NOX4: variants seen among roughly 807,000 people sequenced by gnomAD.
NOX4 encodes kidney oxidase-1.
NOX4 carries 69 observed loss-of-function variants against 87.6 expected under a neutral mutation model. That is an observed-to-expected ratio of 0.79 (90% CI 0.65 to 0.96). NOX4 has a LOEUF of 0.96. NOX4 is among the 40% of genes least tolerant of loss of function. NOX4 has a pLI of 0.00. For synonymous variants in NOX4, 275 were observed against 238.2 expected (o/e 1.15, Z -1.42); for missense variants, 680 against 681.5 (o/e 1.00, Z 0.02).
the NOX4 span, among the ~76,000 whole-genome samples, chr11:89,535,135 A>G: frequency 2.0e-5 from 3 of 152,130 alleles, no homozygotes; most frequent in African/African-American, 7.2e-5. Context: ...ATTACAAGGA[A>G]AAAAAGGAAG....
At chr11:89,481,062 A>G (rs1327182014) in intron 2 of NOX4, among the ~76,000 whole-genome samples, 7 of 151,996 alleles carry the variant, frequency 4.6e-5, no homozygotes, top group African/African-American at 1.7e-4. Context: ...TGAAGGTAAC[A>G]TGTTCCTACT....
rs908439753 is a variant in NOX4 at position 89,491,350 on chromosome 11, C to T, written c.-104G>A. 2.4e-5 allele frequency: 25 copies of T among 1,062,120 alleles called. 1 individual carries two copies. The highest frequency in any genetic ancestry group is 2.3e-4 in the African/African-American group (14 of 61,862). The allele number at this position is 1,062,120 out of a possible 1,614,324, so 65.8% of individuals were successfully genotyped here. ...TTGTGCGGCCTGCCGGGCCGCTGAG[C>T]GAGGACCGAGGGTCAAAGACTGAGT... On this transcript the variant is annotated 5_prime_UTR_variant, in exon 1 of 18. Coordinates refer to ENST00000263317, the MANE Select transcript of NOX4 (RefSeq NM_016931.5).
At chr11:89,500,831 T>G (rs1947008664), upstream of NOX4, among the ~76,000 whole-genome samples, 1 of 152,132 alleles carries the variant, frequency 6.6e-6, no homozygotes, top group African/African-American at 2.4e-5. Flanking sequence ...ATAAACTGCT[T>G]TATTCAAGGC....
rs987490843 is a variant in NOX4, at chr11:89,476,924, A to G, written c.153+13534T>C. ...TTTGTGAATTAGAAGATACATATACATAAAACACCGAAAAAAGGATAAACA... is the reference window on the plus strand; with the variant it reads ...TTTGTGAATTAGAAGATACATATACGTAAAACACCGAAAAAAGGATAAACA... On this transcript the variant is annotated intron_variant, in intron 2 of 17. Transcript: ENST00000263317. 7.9e-5 allele frequency among the ~76,000 whole-genome samples: 12 copies of G among 152,318 alleles called. No individual in the cohort carries two copies. The East Asian group carries it at 2.3e-3, about 29-fold the overall frequency.
chr11:89,549,624 A>G, the NOX4 span, among the ~76,000 whole-genome samples: 34 of 152,258 alleles, frequency 2.2e-4, no homozygotes, highest in African/African-American at 8.2e-4. Flanking sequence ...ATTTCTCTTA[A>G]TACTATCCCT....
chr11:89,457,506 A>G (rs1945259910), intron 2 of NOX4, among the ~76,000 whole-genome samples: 1 of 152,144 alleles, frequency 6.6e-6, no homozygotes, highest in Admixed American at 6.5e-5. Context: ...CAGCCCCCCG[A>G]GTGAATCAGA....
chr11:89,426,943 C>A (rs1329866345), intron 7 of NOX4, among the ~76,000 whole-genome samples: 1 of 152,294 alleles, frequency 6.6e-6, no homozygotes, highest in East Asian at 1.9e-4. Flanking sequence ...GTCCCTGACC[C>A]CCGAGTAGCC....
intron 12 of NOX4, among the ~76,000 whole-genome samples, chr11:89,366,973 T>G (rs1184896235): frequency 6.6e-6 from 1 of 152,256 alleles, no homozygotes; most frequent in Non-Finnish European, 1.5e-5. Flanking sequence ...GGCACTTAAA[T>G]TGTAGTACAC....
the NOX4 span, among the ~76,000 whole-genome samples, chr11:89,541,336 T>A: frequency 1.3e-5 from 2 of 152,276 alleles, no homozygotes; most frequent in East Asian, 3.9e-4. Context: ...AAGAAGAGTT[T>A]TTTTCCCCAG....
intron 11 of NOX4, among the ~76,000 whole-genome samples, chr11:89,384,640 T>TC (rs923329329): frequency 6.6e-6 from 1 of 152,070 alleles, no homozygotes; most frequent in Non-Finnish European, 1.5e-5. Flanking sequence ...AAATCCTTTC[T>TC]CCACTCCCCT....
chr11:89,488,565 T>C (rs1312939441), intron 2 of NOX4, among the ~76,000 whole-genome samples: 1 of 152,218 alleles, frequency 6.6e-6, no homozygotes, highest in Non-Finnish European at 1.5e-5. Context: ...AATAAGATGT[T>C]ATTTTAGCTT....
intron 14 of NOX4, among the ~76,000 whole-genome samples, chr11:89,340,936 C>T (rs987816010): frequency 6.6e-6 from 1 of 151,902 alleles, no homozygotes; most frequent in African/African-American, 2.4e-5. Context: ...CATTCAAACA[C>T]ATCACTTAAA....
chr11:89,521,097 T>C, the NOX4 span, among the ~76,000 whole-genome samples: 1 of 151,968 alleles, frequency 6.6e-6, no homozygotes, highest in Non-Finnish European at 1.5e-5. Flanking sequence ...ATCAGTATTG[T>C]TAGAATGGCC....
At chr11:89,460,513 T>G (rs561129619) in intron 2 of NOX4, among the ~76,000 whole-genome samples, 2 of 152,150 alleles carry the variant, frequency 1.3e-5, no homozygotes, top group Non-Finnish European at 2.9e-5. Context: ...GAACAGACAC[T>G]TCTCAAAAGA....
chr11:89,327,123 T>G (rs1945252049), intron 17 of NOX4, among the ~76,000 whole-genome samples: 2 of 152,240 alleles, frequency 1.3e-5, no homozygotes, highest in African/African-American at 4.8e-5. Flanking sequence ...ACAAATATGC[T>G]TATTATCAGG....
At chr11:89,475,205 C>T (rs985023364) in intron 2 of NOX4, among the ~76,000 whole-genome samples, 8 of 151,860 alleles carry the variant, frequency 5.3e-5, no homozygotes, top group African/African-American at 1.7e-4. Context: ...GTACTGAGGA[C>T]ATGCACCAAA....
chr11:89,421,958 C>A lies in NOX4; in HGVS notation c.573G>T (p.Trp191Cys). ...AIRVSNYDIF[W>C]YTHNLFFVFY... is the part of the protein sequence containing the mutation. ...AGACAAAGAAGAGGTTATGAGTATA[C>A]CAGAAGATATCATAGTTAGAAACTC... Residue 191 changes from tryptophan (W) to cysteine (C), a missense_variant, in exon 8 of 18, where the codon TGG (tryptophan) becomes TGT (cysteine). Transcript: ENST00000263317. The A allele has an allele frequency of 6.4e-7, 1 of 1,554,606 alleles. No individual in the cohort carries two copies. The highest frequency in any genetic ancestry group is 8.7e-7 in the Non-Finnish European group (1 of 1,152,528).
chr11:89,536,315 T>C, the NOX4 span, among the ~76,000 whole-genome samples: 1 of 151,770 alleles, frequency 6.6e-6, no homozygotes, highest in East Asian at 1.9e-4. Flanking sequence ...CCCGGGTAAT[T>C]TCTTGTATTT....
intron 12 of NOX4, among the ~76,000 whole-genome samples, 175 bp from the exon 13 acceptor site, chr11:89,355,218 ATG>A (rs535506231): frequency 9.1e-4 from 137 of 150,102 alleles, no homozygotes; most frequent in African/African-American, 2.9e-3. Context: ...TAGTGTATGT[ATG>A]TGTGTGTGTG....
Sources: allele counts gnomAD v4.1 joint callset (sites outside exome capture counted in the v4.1 genomes callset), GRCh38; gene constraint gnomAD v4.1.1; transcripts MANE v1.5; gene names NCBI Gene and HGNC (gene_info 2026-07-23, HGNC 2026-07-21).